The following IQCJ variants were observed in gnomAD, a reference collection of about 807,000 sequenced individuals.
IQCJ encodes the protein IQ motif containing J.
Under a neutral mutation model 11.0 loss-of-function variants are expected in IQCJ, and 9 were observed. The observed-to-expected ratio is 0.82, with a 90% CI of 0.49 to 1.43. IQCJ has a LOEUF of 1.43. Ranked by LOEUF, IQCJ falls within the 40% of genes most tolerant of loss-of-function variation. IQCJ has a pLI of 0.00. For synonymous variants in IQCJ, 55 were observed against 51.3 expected (o/e 1.07, Z -0.31); for missense variants, 146 against 133.2 (o/e 1.10, Z -0.47).
intron 1 of IQCJ, among the ~76,000 whole-genome samples, chr3:159,079,448 T>C (rs1238714819): frequency 1.3e-5 from 2 of 152,146 alleles, no homozygotes; most frequent in African/African-American, 2.4e-5. Context: ...GCTAGCTATT[T>C]AGCTTAAAAG....
At chr3:159,188,451 CA>C (rs936621283) in intron 1 of IQCJ, among the ~76,000 whole-genome samples, 2 of 151,990 alleles carry the variant, frequency 1.3e-5, no homozygotes, top group African/African-American at 4.8e-5. Flanking sequence ...AAAAAAACAA[CA>C]AAAATTATTT....
At chr3:159,242,011 G>A (rs753845331) in intron 1 of IQCJ, among the ~76,000 whole-genome samples, 5 of 152,238 alleles carry the variant, frequency 3.3e-5, no homozygotes, top group Non-Finnish European at 5.9e-5. Context: ...AGGAAGCCAT[G>A]TGAGGGTAAT....
intron 1 of IQCJ, among the ~76,000 whole-genome samples, chr3:159,204,434 G>A (rs1259155301): frequency 3.3e-5 from 5 of 152,198 alleles, no homozygotes; most frequent in Non-Finnish European, 7.3e-5. Context: ...GGGCTCAGAT[G>A]GCTAGAACAG....
intron 1 of IQCJ, among the ~76,000 whole-genome samples, chr3:159,152,732 C>G (rs1721302028): frequency 6.6e-6 from 1 of 152,196 alleles, no homozygotes; most frequent in Non-Finnish European, 1.5e-5. Context: ...ATCTCTAACT[C>G]ACATTCTAGT....
At chr3:159,176,056 T>C (rs921060178) in intron 1 of IQCJ, among the ~76,000 whole-genome samples, 1 of 152,234 alleles carries the variant, frequency 6.6e-6, no homozygotes, top group Non-Finnish European at 1.5e-5. Context: ...CATCTTTTCA[T>C]GTGCTTATTT....
At chr3:159,189,249 G>A (rs1577068878) in intron 1 of IQCJ, among the ~76,000 whole-genome samples, 1 of 152,126 alleles carries the variant, frequency 6.6e-6, no homozygotes, top group Admixed American at 6.5e-5. Context: ...TAGAAAGAGA[G>A]GGTGCAGTTC....
chr3:159,178,462 G>GT (rs1722910656), intron 1 of IQCJ, among the ~76,000 whole-genome samples: 1 of 152,208 alleles, frequency 6.6e-6, no homozygotes, highest in Non-Finnish European at 1.5e-5. Context: ...TGGGAATACA[G>GT]TGGGAGTCCT....
chr3:159,175,406 G>GAA (rs1722739943), intron 1 of IQCJ, among the ~76,000 whole-genome samples: 5 of 152,294 alleles, frequency 3.3e-5, no homozygotes, highest in Non-Finnish European at 7.4e-5. Flanking sequence ...AGGAAGTCAA[G>GAA]GCTGCAGTGA....
At chr3:159,222,907 G>T (rs1725634254) in intron 1 of IQCJ, among the ~76,000 whole-genome samples, 1 of 151,936 alleles carries the variant, frequency 6.6e-6, no homozygotes, top group South Asian at 2.1e-4. Flanking sequence ...TTCTAGTAAA[G>T]TTATTCAACT....
chr3:159,113,313 A>G (rs1718750854), intron 1 of IQCJ, among the ~76,000 whole-genome samples: 1 of 152,226 alleles, frequency 6.6e-6, no homozygotes, highest in Admixed American at 6.5e-5. Flanking sequence ...AGAAAAACAG[A>G]AGCAAGAGGA....
chr3:159,260,753 A>C (rs1262455843), intron 3 of IQCJ, among the ~76,000 whole-genome samples: 3 of 152,162 alleles, frequency 2.0e-5, no homozygotes, highest in Non-Finnish European at 4.4e-5. Flanking sequence ...TATAATTCAA[A>C]TTTGGGCCAG....
intron 1 of IQCJ, among the ~76,000 whole-genome samples, chr3:159,101,187 TGC>T (rs1190082358): frequency 1.4e-5 from 2 of 145,894 alleles, no homozygotes; most frequent in Non-Finnish European, 3.0e-5. Flanking sequence ...CCTGACCCCT[TGC>T]GCTTCCCAGG....
At chr3:159,157,617 A>G (rs1016601593) in intron 1 of IQCJ, among the ~76,000 whole-genome samples, 1 of 152,224 alleles carries the variant, frequency 6.6e-6, no homozygotes, top group African/African-American at 2.4e-5. Context: ...AGGTATAGAT[A>G]CAGATATAGG....
intron 1 of IQCJ, among the ~76,000 whole-genome samples, chr3:159,107,065 T>C (rs1718309192): frequency 6.6e-6 from 1 of 152,220 alleles, no homozygotes; most frequent in Non-Finnish European, 1.5e-5. Flanking sequence ...TTGTTATTCA[T>C]ATTCAAAGTG....
chr3:159,243,354 A>G (rs1364716219), intron 1 of IQCJ, among the ~76,000 whole-genome samples: 1 of 152,186 alleles, frequency 6.6e-6, no homozygotes, highest in Non-Finnish European at 1.5e-5. Flanking sequence ...ACTAGGCCAT[A>G]TGGATATGAA....
intron 1 of IQCJ, among the ~76,000 whole-genome samples, chr3:159,142,605 AC>A (rs1720680821): frequency 6.6e-6 from 1 of 151,974 alleles, no homozygotes; most frequent in African/African-American, 2.4e-5. Flanking sequence ...TTTAGTAGAG[AC>A]GGGGTTTCAC....
In IQCJ at chr3:159,252,777, A is replaced by G; in HGVS notation, c.125A>G (p.Asn42Ser). 1.9e-6 allele frequency: 3 copies of G among 1,612,734 alleles called. No individual in the cohort carries two copies. Among genetic ancestry groups the G allele is most frequent in the Non-Finnish European group, 2.5e-6 (3 of 1,179,290 alleles). The change falls in exon 3 of 4, where the codon AAT becomes AGT. Residue 42 changes from asparagine to serine, a missense_variant. Coordinates refer to ENST00000397832, the MANE Select transcript of IQCJ (RefSeq NM_001042706.3). ...AATAATATTGAAAAGTATCCCCTCA[A>G]TCTACAGCCCTTGGAATCAAAGGTG... The part of the protein sequence containing the change: ...AENNIEKYPL[N>S]LQPLESKVKI...
chr3:159,232,447 C>T (rs933746118), intron 1 of IQCJ, among the ~76,000 whole-genome samples: 101 of 133,700 alleles, frequency 7.6e-4, no homozygotes, highest in African/African-American at 2.8e-3. Context: ...TTTTGAGAGA[C>T]TTTCTTTTTT....
At chr3:159,093,960 A>C (rs1007021706) in intron 1 of IQCJ, among the ~76,000 whole-genome samples, 1 of 151,848 alleles carries the variant, frequency 6.6e-6, no homozygotes, top group East Asian at 1.9e-4. Context: ...ATTCAAGATG[A>C]GATTTTGGGT....
Sources: gnomAD v4.1 joint callset for allele counts (sites outside exome capture counted in the v4.1 genomes callset) on GRCh38, gnomAD v4.1.1 for gene constraint, MANE v1.5 for transcripts, NCBI Gene and HGNC (gene_info 2026-07-23, HGNC 2026-07-21) for gene names.